DLGAP2: variants seen among roughly 807,000 people sequenced by gnomAD.
DLGAP2 encodes disks large-associated protein 2.
Under a neutral mutation model 100.3 loss-of-function variants are expected in DLGAP2, and 26 were observed. The observed-to-expected ratio is 0.26, with a 90% CI of 0.19 to 0.36. The LOEUF (loss-of-function observed/expected upper bound fraction) is 0.36, where lower values mean the gene tolerates loss of function less well. DLGAP2 is among the 10% of genes least tolerant of loss of function. The pLI, the probability that DLGAP2 is intolerant of heterozygous loss-of-function variation, is 1.00. For missense variants in DLGAP2, 1,858 were observed against 1,453.2 expected (o/e 1.28, Z -4.53); for synonymous variants, 886 against 630.1 (o/e 1.41, Z -6.08).
chr8:1,114,737 C>T (rs1481808328), intron 2 of DLGAP2, among the ~76,000 whole-genome samples: 1 of 151,928 alleles, frequency 6.6e-6, no homozygotes, highest in African/African-American at 2.4e-5. Context: ...CTTCTGCTAG[C>T]TTTGGAGTTG....
intron 2 of DLGAP2, among the ~76,000 whole-genome samples, chr8:1,064,967 G>T (rs1256088358): frequency 1.3e-5 from 2 of 152,170 alleles, no homozygotes; most frequent in Non-Finnish European, 2.9e-5. Flanking sequence ...AAGGTGGTTT[G>T]AAAGGCATGC....
At chr8:1,066,095 C>G (rs527765076) in intron 2 of DLGAP2, among the ~76,000 whole-genome samples, 2 of 152,198 alleles carry the variant, frequency 1.3e-5, no homozygotes, top group East Asian at 1.9e-4. Flanking sequence ...ACGGTCAGGT[C>G]TGAGTGAGGG....
intron 1 of DLGAP2, among the ~76,000 whole-genome samples, chr8:875,731 T>G (rs1797677551): frequency 6.6e-6 from 1 of 152,256 alleles, no homozygotes; most frequent in Admixed American, 6.5e-5. Flanking sequence ...TTTTTTTGCA[T>G]TAAGTGAATA....
intron 3 of DLGAP2, among the ~76,000 whole-genome samples, chr8:1,455,431 G>C (rs961920254): frequency 6.6e-6 from 1 of 152,230 alleles, no homozygotes; most frequent in South Asian, 2.1e-4. Flanking sequence ...GGACTCAGCT[G>C]TCGGGGAGAG....
chr8:1,060,415 C>A (rs923328243), intron 2 of DLGAP2, among the ~76,000 whole-genome samples: 1 of 151,720 alleles, frequency 6.6e-6, no homozygotes, highest in African/African-American at 2.4e-5. Flanking sequence ...GGTCCCTCCG[C>A]TGTGTCCTTG....
chr8:997,081 G>A (rs1479230834), intron 2 of DLGAP2, among the ~76,000 whole-genome samples: 1 of 152,148 alleles, frequency 6.6e-6, no homozygotes, highest in Non-Finnish European at 1.5e-5. Context: ...GCATGTGACG[G>A]ACTGTTTTGT....
At chr8:1,092,487 G>T (rs1217796603) in intron 2 of DLGAP2, among the ~76,000 whole-genome samples, 1 of 152,212 alleles carries the variant, frequency 6.6e-6, no homozygotes, top group Non-Finnish European at 1.5e-5. Flanking sequence ...GATTTCAGGG[G>T]TAGGCATGCA....
chr8:1,229,746 T>A lies in DLGAP2; in HGVS notation c.74-29105T>A, dbSNP rs971573433. On this transcript the variant is annotated intron_variant, in intron 2 of 14. Transcript: ENST00000637795. Reference sequence around the variant, plus strand: ...AAATCAATAAATGCAGTTCACCACATAAACAGAATTACAAACAAAAACCAT... The same window carrying A: ...AAATCAATAAATGCAGTTCACCACAAAAACAGAATTACAAACAAAAACCAT... 2.6e-5 allele frequency among the ~76,000 whole-genome samples: 4 copies of A among 152,310 alleles called. No homozygotes were observed. In the East Asian group the frequency reaches 7.7e-4, roughly 29 times the overall value.
intron 4 of DLGAP2, among the ~76,000 whole-genome samples, chr8:1,515,364 G>A (rs1419557026): frequency 1.3e-5 from 2 of 152,218 alleles, no homozygotes; most frequent in African/African-American, 2.4e-5. Flanking sequence ...AGACAGGGCA[G>A]TCAGCATACA....
chr8:902,572 G>A (rs1250261510), intron 1 of DLGAP2, among the ~76,000 whole-genome samples: 1 of 112,784 alleles, frequency 8.9e-6, no homozygotes, highest in African/African-American at 3.6e-5. Flanking sequence ...AAAACAGCGG[G>A]GCTGGGAAGG....
intron 2 of DLGAP2, among the ~76,000 whole-genome samples, chr8:986,934 A>T (rs1424881235): frequency 6.6e-6 from 1 of 152,196 alleles, no homozygotes; most frequent in Non-Finnish European, 1.5e-5. Context: ...TACTAGGATT[A>T]CAGGCATGAG....
intron 5 of DLGAP2, among the ~76,000 whole-genome samples, chr8:1,564,262 C>T (rs1199320436): frequency 6.6e-6 from 1 of 152,172 alleles, no homozygotes; most frequent in African/African-American, 2.4e-5. Context: ...GGAGCAGCTC[C>T]CGCAATGGAA....
chr8:980,847 A>G (rs1019809821), intron 2 of DLGAP2, among the ~76,000 whole-genome samples: 8 of 152,202 alleles, frequency 5.3e-5, no homozygotes, highest in African/African-American at 1.7e-4. Context: ...GACAACGGGC[A>G]GCAGTTAGGG....
intron 6 of DLGAP2, among the ~76,000 whole-genome samples, chr8:1,609,065 A>G (rs1172134788): frequency 1.4e-5 from 2 of 138,016 alleles, no homozygotes; most frequent in African/African-American, 5.1e-5. Flanking sequence ...CCTCGAGAAG[A>G]GCAACTCCAA....
At chr8:1,537,059 C>T (rs1031267037) in intron 4 of DLGAP2, among the ~76,000 whole-genome samples, 5 of 143,330 alleles carry the variant, frequency 3.5e-5, no homozygotes, top group African/African-American at 5.3e-5. Flanking sequence ...AAGGCAGCAC[C>T]ACTGGTATGT....
intron 3 of DLGAP2, among the ~76,000 whole-genome samples, chr8:1,328,886 G>A (rs1002759809): frequency 6.6e-6 from 1 of 152,170 alleles, no homozygotes; most frequent in Non-Finnish European, 1.5e-5. Context: ...GAGAAATGTG[G>A]TAGAAGCTTT....
intron 1 of DLGAP2, among the ~76,000 whole-genome samples, chr8:864,517 C>A (rs1340664309): frequency 6.6e-6 from 1 of 152,010 alleles, no homozygotes; most frequent in African/African-American, 2.4e-5. Flanking sequence ...CATCTTTTGG[C>A]CAGAAAAATA....
chr8:1,634,951 G>C (rs1352803295), intron 8 of DLGAP2, among the ~76,000 whole-genome samples: 1 of 152,144 alleles, frequency 6.6e-6, no homozygotes, highest in South Asian at 2.1e-4. Flanking sequence ...GTTTCTACCG[G>C]ATCTTGGCCC....
rs79585555 is a variant in DLGAP2 at position 1,267,808 on chromosome 8, A to G, written c.106+8925A>G. On this transcript the variant is annotated intron_variant, in intron 3 of 14. Transcript: ENST00000637795. ...GGGGCAGAATGTTTGTCCCACGCTG[A>G]GCTCAGTGCTGGTTCTATGGGAATT... Among the ~76,000 whole-genome samples the G allele has an allele frequency of 5.6e-3, 848 of 151,914 alleles. 6 individuals carry two copies. The highest frequency in any genetic ancestry group is 0.02 in the African/African-American group (810 of 41,418).
Sources: gnomAD v4.1 joint callset for allele counts (sites outside exome capture counted in the v4.1 genomes callset) on GRCh38, gnomAD v4.1.1 for gene constraint, MANE v1.5 for transcripts, NCBI Gene and HGNC (gene_info 2026-07-23, HGNC 2026-07-21) for gene names.